Variants in SMIM14 observed in about 807,000 individuals in gnomAD.
SMIM14 encodes the protein small integral membrane protein 14.
Under a neutral mutation model 12.6 loss-of-function variants are expected in SMIM14, and 5 were observed. The observed-to-expected ratio is 0.40, with a 90% CI of 0.21 to 0.83. SMIM14 has a LOEUF of 0.83. Ranked by LOEUF, SMIM14 falls within the 40% of genes least tolerant of loss-of-function variation. SMIM14 has a pLI of 0.37. For synonymous variants in SMIM14, 30 were observed against 40.1 expected (o/e 0.75, Z 0.95); for missense variants, 86 against 119.1 (o/e 0.72, Z 1.29).
intron 2 of SMIM14, among the ~76,000 whole-genome samples, chr4:39,597,438 ATTTTTTT>A (rs869157163): frequency 4.3e-5 from 5 of 116,564 alleles, no homozygotes; most frequent in East Asian, 5.2e-4. Flanking sequence ...CACTGGTGGT[ATTTTTTT>A]TTTTTTTTTT....
At chr4:39,582,419 C>T (rs1384001270) in intron 2 of SMIM14, among the ~76,000 whole-genome samples, 1 of 151,988 alleles carries the variant, frequency 6.6e-6, no homozygotes, top group Non-Finnish European at 1.5e-5. Context: ...AATCCCAGCA[C>T]TTTGGGAAGC....
intron 2 of SMIM14, among the ~76,000 whole-genome samples, chr4:39,601,791 T>TA (rs1003823570): frequency 1.3e-5 from 2 of 151,120 alleles, no homozygotes; most frequent in Non-Finnish European, 3.0e-5. Context: ...TACCAAAATG[T>TA]AAAAAATTAG....
intron 1 of SMIM14, among the ~76,000 whole-genome samples, chr4:39,605,667 A>G (rs1714775483): frequency 6.6e-6 from 1 of 152,248 alleles, no homozygotes; most frequent in African/African-American, 2.4e-5. Flanking sequence ...GAGTATTGGC[A>G]ACCAGATTTA....
At position 39,613,243 on chromosome 4, in the gene SMIM14, C is replaced by T. The variant is rs555023662; in HGVS notation, c.-35-8063G>A. Among the ~76,000 whole-genome samples the T allele has an allele frequency of 4.6e-5, 7 of 152,250 alleles. No individual in the cohort carries two copies. In the East Asian group the frequency reaches 1.3e-3, roughly 29 times the overall value. Reference sequence around the variant, plus strand: ...CTGAATTCTTGACAATGTTTATTTTCTCTACATCTATATGTGCCAGGAACA... The same window carrying T: ...CTGAATTCTTGACAATGTTTATTTTTTCTACATCTATATGTGCCAGGAACA... On this transcript the variant is annotated intron_variant, in intron 1 of 4. Coordinates refer to ENST00000295958, the MANE Select transcript of SMIM14 (RefSeq NM_174921.3).
chr4:39,608,882 T>C lies in SMIM14; in HGVS notation c.-35-3702A>G, dbSNP rs74673657. 3.6e-3 allele frequency among the ~76,000 whole-genome samples: 555 copies of C among 152,328 alleles called. 2 individuals carry two copies. Among genetic ancestry groups the C allele is most frequent in the African/African-American group, 0.012 (482 of 41,578 alleles). On this transcript the variant is annotated intron_variant, in intron 1 of 4. Coordinates refer to ENST00000295958, the MANE Select transcript of SMIM14 (RefSeq NM_174921.3). Reference sequence around the variant, plus strand: ...AATAGGGAGTGACTGCTAATGTGTATAGGATCTTTCAGGGGGGCTGAAAAA... The same window carrying C: ...AATAGGGAGTGACTGCTAATGTGTACAGGATCTTTCAGGGGGGCTGAAAAA...
At chr4:39,615,882 ACT>A (rs1715204580) in intron 1 of SMIM14, among the ~76,000 whole-genome samples, 2 of 152,130 alleles carry the variant, frequency 1.3e-5, no homozygotes, top group Admixed American at 1.3e-4. Flanking sequence ...TATTTCTATC[ACT>A]CTGTCCTAAG....
intron 1 of SMIM14, chr4:39,638,096 G>A (rs1716170205): frequency 6.6e-6 from 1 of 152,214 alleles, no homozygotes; most frequent in Non-Finnish European, 1.5e-5. Context: ...ACAGCAACAC[G>A]GGACTTCGGG....
At chr4:39,621,796 G>A (rs1715503998) in intron 1 of SMIM14, among the ~76,000 whole-genome samples, 1 of 145,378 alleles carries the variant, frequency 6.9e-6, no homozygotes, top group South Asian at 2.2e-4. Flanking sequence ...AGGCTCAAGT[G>A]ATCCCATCCC....
Position 39,553,594 on chromosome 4 carries a change from G to A in SMIM14, c.268-1436C>T, listed in dbSNP as rs559366623. The stretch of plus-strand genomic sequence containing the variant: ...CTTTTTATATAGTGCTAATAATGCC[G>A]GTTTTTTTTTTTTTTTGAGATGGAG... On this transcript the variant is annotated intron_variant, in intron 4 of 4. Coordinates refer to ENST00000295958, the MANE Select transcript of SMIM14 (RefSeq NM_174921.3). Among the ~76,000 whole-genome samples, 210 of 150,602 alleles carry A rather than the reference G, an allele frequency of 1.4e-3. 1 individual carries two copies. The highest frequency in any genetic ancestry group is 0.011 in the South Asian group (50 of 4,748).
In SMIM14 at chr4:39,625,792, G is replaced by C. The variant is rs561059681; in HGVS notation, c.-36+12947C>G. Among the ~76,000 whole-genome samples, 12 of 152,260 alleles carry C rather than the reference G, an allele frequency of 7.9e-5. No homozygotes were observed. In the East Asian group the frequency reaches 2.3e-3, roughly 29 times the overall value. On this transcript the variant is annotated intron_variant, in intron 1 of 4. Transcript: ENST00000295958. ...AAGCTTAAAGACACCCTTTTCAGAG[G>C]GCATACTATTCAAAAGGAAGAGACT... is the stretch of plus-strand genomic sequence containing the variant.
intron 1 of SMIM14, among the ~76,000 whole-genome samples, chr4:39,621,682 GTTTC>G (rs1442773463): frequency 1.7e-5 from 2 of 116,962 alleles, no homozygotes; most frequent in African/African-American, 3.8e-5. Context: ...ACAGCCAAAC[GTTTC>G]TTTTTTTTTT....
Position 39,574,276 on chromosome 4 carries a change from C to T in SMIM14, c.76-1813G>A, listed in dbSNP as rs548477579. 1.3e-4 allele frequency among the ~76,000 whole-genome samples: 19 copies of T among 141,844 alleles called. No individual in the cohort carries two copies. The East Asian group carries it at 3.0e-3, about 22-fold the overall frequency. The allele number at this position is 141,844 out of a possible 152,430, so 93.1% of individuals were successfully genotyped here. A position where few individuals can be genotyped will look rare whatever the true frequency, so the allele number is the denominator to read the frequency against. ...TTTTTTTCTTTTCTCTTCTTAGAGA[C>T]GGAGTCTCGCTCTGTCGCCCAGGCT... On this transcript the variant is annotated intron_variant, in intron 2 of 4. Coordinates refer to ENST00000295958, the MANE Select transcript of SMIM14 (RefSeq NM_174921.3).
chr4:39,582,155 G>A (rs1014210792), intron 2 of SMIM14, among the ~76,000 whole-genome samples: 1 of 152,020 alleles, frequency 6.6e-6, no homozygotes, highest in African/African-American at 2.4e-5. Context: ...ACAGGAATGA[G>A]CCACCGCGCC....
intron 2 of SMIM14, among the ~76,000 whole-genome samples, chr4:39,576,682 ATATTTTTTTTTTTTTTTTTTTTTTTT>A (rs1713208933): frequency 1.3e-4 from 4 of 31,018 alleles, no homozygotes; most frequent in African/African-American, 6.2e-4. Flanking sequence ...ATATATATAT[ATATTTTTTTTTTTTTTTTTTTTTTTT>A]TTTTTTTTTT....
intron 1 of SMIM14, among the ~76,000 whole-genome samples, chr4:39,618,433 G>A (rs1222221876): frequency 6.6e-6 from 1 of 151,976 alleles, no homozygotes; most frequent in Non-Finnish European, 1.5e-5. Context: ...TGGGTCACGA[G>A]GTCAGGAGTT....
chr4:39,610,609 C>T (rs1195359911), intron 1 of SMIM14, among the ~76,000 whole-genome samples: 3 of 150,440 alleles, frequency 2.0e-5, no homozygotes, highest in Admixed American at 6.6e-5. Context: ...GTAGGGGGAT[C>T]GCTTGAGCCC....
chr4:39,573,739 T>C (rs1054805227), intron 2 of SMIM14, among the ~76,000 whole-genome samples: 4 of 152,052 alleles, frequency 2.6e-5, no homozygotes, highest in Admixed American at 2.6e-4. Flanking sequence ...AAAATGCATC[T>C]TTGAAAGGAA....
intron 1 of SMIM14, among the ~76,000 whole-genome samples, chr4:39,629,389 T>C (rs1715824329): frequency 6.9e-6 from 1 of 145,020 alleles, no homozygotes; most frequent in Non-Finnish European, 1.5e-5. Flanking sequence ...GATACATATA[T>C]ATATATATTC....
At chr4:39,584,141 C>T (rs892812759) in intron 2 of SMIM14, among the ~76,000 whole-genome samples, 1 of 151,882 alleles carries the variant, frequency 6.6e-6, no homozygotes, top group African/African-American at 2.4e-5. Context: ...AATACTACAT[C>T]TGATCACATT....
Sources: allele counts gnomAD v4.1 joint callset (sites outside exome capture counted in the v4.1 genomes callset), GRCh38; gene constraint gnomAD v4.1.1; transcripts MANE v1.5; gene names NCBI Gene and HGNC (gene_info 2026-07-23, HGNC 2026-07-21).